Variants in MMP16 observed in about 807,000 individuals in gnomAD.
MMP16 encodes the protein matrix metalloproteinase-16.
A neutral mutation model predicts 67.8 loss-of-function variants in MMP16; 12 were observed. The observed-to-expected ratio is 0.18, with a 90% CI of 0.11 to 0.29. The LOEUF is 0.29. Among genes scored for constraint, MMP16 ranks in the 10% least tolerant of loss-of-function variants. The probability of loss-of-function intolerance (pLI) is 1.00; values close to 1 mark genes in which losing one functional copy is unlikely to be tolerated. For synonymous variants in MMP16, 249 were observed against 255.9 expected, an observed-to-expected ratio of 0.97 and a Z score of 0.26; for missense variants, 475 against 765.7, an observed-to-expected ratio of 0.62 and a Z score of 4.48.
intron 6 of MMP16, among the ~76,000 whole-genome samples, chr8:88,102,656 T>C (rs1809164726): frequency 6.6e-6 from 1 of 151,774 alleles, no homozygotes; most frequent in African/African-American, 2.4e-5. Flanking sequence ...TGTCTCCCTC[T>C]TTCCAGTGGC....
chr8:88,036,077 T>C lies in MMP16; in HGVS notation c.*5384A>G, dbSNP rs1488044144. ...TTACATGAGTATTGAGGTAAATTTC[T>C]ATTTCAGGGAAATGGCTTGTCTCAG... On this transcript the variant is annotated 3_prime_UTR_variant, in exon 10 of 10. Coordinates refer to ENST00000286614, the MANE Select transcript of MMP16 (RefSeq NM_005941.5). 10 of 151,964 alleles carry C rather than the reference T, an allele frequency of 6.6e-5. No individual in the cohort carries two copies. The highest frequency in any genetic ancestry group is 4.6e-4 in the Admixed American group (7 of 15,220). The allele number at this position is 151,964 out of a possible 1,614,324, so 9.4% of individuals were successfully genotyped here.
chr8:88,078,004 T>C (rs532573020), intron 6 of MMP16, among the ~76,000 whole-genome samples: 4 of 152,152 alleles, frequency 2.6e-5, no homozygotes, highest in Non-Finnish European at 5.9e-5. Flanking sequence ...GATCTCTAAA[T>C]CTGCTATTTG....
chr8:88,067,380 G>A (rs546474577), intron 7 of MMP16, among the ~76,000 whole-genome samples: 7 of 152,108 alleles, frequency 4.6e-5, no homozygotes, highest in South Asian at 4.1e-4. Context: ...GAAATATTTC[G>A]TAATTGATTC....
intron 1 of MMP16, among the ~76,000 whole-genome samples, chr8:88,236,500 T>C (rs1809942432): frequency 6.6e-6 from 1 of 152,102 alleles, no homozygotes; most frequent in African/African-American, 2.4e-5. Flanking sequence ...CTCATTCCTG[T>C]AATCCCAGCA....
intron 4 of MMP16, among the ~76,000 whole-genome samples, chr8:88,119,877 T>C (rs1321135941): frequency 1.3e-5 from 2 of 152,070 alleles, no homozygotes; most frequent in African/African-American, 4.8e-5. Context: ...AATGCAAATA[T>C]TTAATAATTT....
intron 3 of MMP16, among the ~76,000 whole-genome samples, chr8:88,174,332 T>C (rs1444510651): frequency 6.6e-6 from 1 of 152,184 alleles, no homozygotes; most frequent in Non-Finnish European, 1.5e-5. Flanking sequence ...AAGAACTTAC[T>C]GTAAGTCCAT....
At chr8:88,325,066 G>A (rs1445788692) in intron 1 of MMP16, among the ~76,000 whole-genome samples, 2 of 152,102 alleles carry the variant, frequency 1.3e-5, no homozygotes, top group African/African-American at 4.8e-5. Flanking sequence ...TTAAATCTGT[G>A]TAATAAATAT....
chr8:88,157,792 G>C (rs1054644705), intron 4 of MMP16, among the ~76,000 whole-genome samples: 4 of 151,798 alleles, frequency 2.6e-5, no homozygotes, highest in Non-Finnish European at 1.5e-5. Context: ...ATTTACATTA[G>C]GCATATCTCA....
intron 1 of MMP16, among the ~76,000 whole-genome samples, chr8:88,289,151 CAGA>C (rs1810881025): frequency 6.6e-6 from 1 of 151,428 alleles, no homozygotes; most frequent in Non-Finnish European, 1.5e-5. Flanking sequence ...GAGAGAGAGA[CAGA>C]AGAAGAGAGA....
chr8:88,269,977 T>C (rs544878709), intron 1 of MMP16, among the ~76,000 whole-genome samples: 3 of 152,346 alleles, frequency 2.0e-5, no homozygotes, highest in East Asian at 3.9e-4. Flanking sequence ...TTGTTTCTTT[T>C]ATTTAGTTAG....
chr8:88,220,563 G>C (rs908232835), intron 1 of MMP16, among the ~76,000 whole-genome samples: 98 of 151,766 alleles, frequency 6.5e-4, no homozygotes, highest in Non-Finnish European at 8.8e-5. Context: ...AACATAGGTA[G>C]TGTCGTACAC....
At position 88,035,322 on chromosome 8, in the gene MMP16, A is replaced by G. The variant is rs1808040576; in HGVS notation, c.*6139T>C. On this transcript the variant is annotated 3_prime_UTR_variant, in exon 10 of 10. Coordinates refer to ENST00000286614, the MANE Select transcript of MMP16 (RefSeq NM_005941.5). This position sits in a 1 kb window ranked among gnomAD's most constrained non-coding sequence, Gnocchi z 4.7. ...ATGAATCTGTACAACATTCTAGTTT[A>G]TGATGTATTTTCCTATACTGTTCAA... 6.6e-6 allele frequency: 1 copy of G among 152,114 alleles called. No individual in the cohort carries two copies. The highest frequency in any genetic ancestry group is 2.4e-5 in the African/African-American group (1 of 41,450). 9.4% of individuals were successfully genotyped at this position (152,114 alleles called of 1,614,324 possible). A position where few individuals can be genotyped will look rare whatever the true frequency, so the allele number is the denominator to read the frequency against.
intron 6 of MMP16, among the ~76,000 whole-genome samples, chr8:88,115,402 C>A (rs986927705): frequency 3.3e-5 from 5 of 152,080 alleles, no homozygotes; most frequent in Middle Eastern, 3.4e-3. Flanking sequence ...TTACGTATTG[C>A]AGGGCAGTTA....
chr8:88,192,186 A>G (rs1028283425), intron 2 of MMP16, among the ~76,000 whole-genome samples: 1 of 152,198 alleles, frequency 6.6e-6, no homozygotes, highest in African/African-American at 2.4e-5. Context: ...TCATAGAGTC[A>G]AGTCCAGTTG....
chr8:88,071,729 T>C (rs1027410234), intron 7 of MMP16, among the ~76,000 whole-genome samples: 8 of 152,180 alleles, frequency 5.3e-5, no homozygotes, highest in African/African-American at 1.9e-4. Context: ...GAGTGTTTAC[T>C]ATATTCCAGG....
chr8:88,190,144 A>G (rs1185377842), intron 2 of MMP16, among the ~76,000 whole-genome samples: 1 of 152,226 alleles, frequency 6.6e-6, no homozygotes, highest in Non-Finnish European at 1.5e-5. Flanking sequence ...CATAACATAT[A>G]TAATATAATA....
chr8:88,061,328 T>C (rs558252218), intron 7 of MMP16, among the ~76,000 whole-genome samples: 1 of 152,204 alleles, frequency 6.6e-6, no homozygotes, highest in Admixed American at 6.6e-5. Context: ...GAAAGGCCTC[T>C]TCTGTTGGCC....
intron 9 of MMP16, among the ~76,000 whole-genome samples, chr8:88,046,273 A>T (rs1354282593): frequency 1.3e-5 from 2 of 152,156 alleles, no homozygotes; most frequent in African/African-American, 4.8e-5. Flanking sequence ...CAAAATTATA[A>T]TTCTCAACAT....
chr8:88,090,405 T>C (rs1418394236), intron 6 of MMP16, among the ~76,000 whole-genome samples: 1 of 151,952 alleles, frequency 6.6e-6, no homozygotes, highest in Non-Finnish European at 1.5e-5. Flanking sequence ...TTATTCTTCC[T>C]GTGGAAAATT....
Sources: gnomAD v4.1 joint callset for allele counts (sites outside exome capture counted in the v4.1 genomes callset) on GRCh38, gnomAD v4.1.1 for gene constraint, Gnocchi (gnomAD v3.1) non-coding constraint, MANE v1.5 for transcripts, NCBI Gene and HGNC (gene_info 2026-07-23, HGNC 2026-07-21) for gene names.